BICD1: variants seen among roughly 807,000 people sequenced by gnomAD.
BICD1 encodes protein bicaudal D homolog 1.
A neutral mutation model predicts 92.5 loss-of-function variants in BICD1; 35 were observed. The observed-to-expected ratio is 0.38, with a 90% CI of 0.29 to 0.50. The LOEUF (loss-of-function observed/expected upper bound fraction) is 0.50. BICD1 is among the 20% of genes least tolerant of loss of function. BICD1 has a pLI of 0.93. For synonymous variants in BICD1, 429 were observed against 465.1 expected (o/e 0.92, Z 1.00); for missense variants, 950 against 1,189.8 (o/e 0.80, Z 2.97).
chr12:32,253,309 A>T (rs183889687), intron 2 of BICD1, among the ~76,000 whole-genome samples: 118 of 152,332 alleles, frequency 7.7e-4, no homozygotes, highest in African/African-American at 2.6e-3. Flanking sequence ...GCTATGCAAG[A>T]TGCAGACTTG....
chr12:32,323,916 T>G (rs1185905863), intron 4 of BICD1, among the ~76,000 whole-genome samples: 9 of 152,242 alleles, frequency 5.9e-5, no homozygotes, highest in Non-Finnish European at 1.2e-4. Context: ...TAAATATATA[T>G]AGAAATGAAA....
chr12:32,163,391 G>A (rs569228618), intron 1 of BICD1, among the ~76,000 whole-genome samples: 1 of 152,034 alleles, frequency 6.6e-6, no homozygotes, highest in East Asian at 1.9e-4. Context: ...CATGTTTATT[G>A]TGGAGAATTT....
chr12:32,135,339 C>G (rs1223666540), intron 1 of BICD1, among the ~76,000 whole-genome samples: 1 of 148,508 alleles, frequency 6.7e-6, no homozygotes, highest in Non-Finnish European at 1.5e-5. Context: ...CCGCCTGCCT[C>G]GGCCTCCCAA....
At chr12:32,112,211 G>A (rs1004789263) in intron 1 of BICD1, among the ~76,000 whole-genome samples, 2 of 151,980 alleles carry the variant, frequency 1.3e-5, no homozygotes, top group Non-Finnish European at 2.9e-5. Flanking sequence ...TCTTCATGTT[G>A]GTGAGGTTGG....
At chr12:32,282,204 T>TC (rs1224166218) in intron 2 of BICD1, among the ~76,000 whole-genome samples, 142 of 11,226 alleles carry the variant, frequency 0.013, 3 homozygotes, top group African/African-American at 0.04. Context: ...GTCTTCTTCT[T>TC]TTTTTTTTTT....
intron 2 of BICD1, among the ~76,000 whole-genome samples, chr12:32,236,433 C>A (rs1831223786): frequency 6.6e-6 from 1 of 151,994 alleles, no homozygotes; most frequent in Admixed American, 6.6e-5. Context: ...GATACTTAAT[C>A]CATAAATGTT....
chr12:32,329,864 C>T (rs964364180), intron 5 of BICD1, among the ~76,000 whole-genome samples: 1 of 152,170 alleles, frequency 6.6e-6, no homozygotes, highest in Non-Finnish European at 1.5e-5. Context: ...AAATTATTTT[C>T]ACCTTTATTT....
intron 1 of BICD1, among the ~76,000 whole-genome samples, chr12:32,158,967 T>C (rs1943522090): frequency 1.3e-5 from 2 of 152,132 alleles, no homozygotes; most frequent in South Asian, 4.1e-4. Context: ...GGAGTCTCGC[T>C]CTGTCGCCCA....
chr12:32,342,208 A>G (rs1227239923), intron 8 of BICD1, among the ~76,000 whole-genome samples: 186 of 77,748 alleles, frequency 2.4e-3, no homozygotes, highest in South Asian at 0.013. Flanking sequence ...GTGTGTGTAT[A>G]TATATATATA....
chr12:32,380,250 A>C lies in BICD1; in HGVS notation c.*2623A>C, dbSNP rs1382581908. On this transcript the variant is annotated 3_prime_UTR_variant, in exon 10 of 10. Coordinates refer to ENST00000652176, the MANE Select transcript of BICD1 (RefSeq NM_001714.4). ...AGCCATATTTATTTATAGGCATTTA[A>C]AGTGAATCAGTATGTGTAGTGTTGA... is the stretch of plus-strand genomic sequence containing the variant. 2.0e-5 allele frequency: 3 copies of C among 152,178 alleles called. No homozygotes were observed. Among genetic ancestry groups the C allele is most frequent in the Non-Finnish European group, 4.4e-5 (3 of 68,022 alleles). The allele number at this position is 152,178 out of a possible 1,614,324, so 9.4% of individuals were successfully genotyped here.
In BICD1 at chr12:32,337,295, T is replaced by A. The variant is rs2892655; in HGVS notation, c.2253-204T>A. ...AACAACAAAATAATAATAAATTTTT[T>A]AAAAATGTCCCATATATCTCATTGT... On this transcript the variant is annotated intron_variant, in intron 6 of 9. Transcript: ENST00000652176. This position sits in a 1 kb window ranked among gnomAD's most constrained non-coding sequence, Gnocchi z 4.7. Among the ~76,000 whole-genome samples, 38,407 of 152,118 alleles carry A rather than the reference T, an allele frequency of 0.25. 5,316 individuals carry two copies. Among genetic ancestry groups the A allele is most frequent in the East Asian group, 0.6 (3,102 of 5,172 alleles).
At chr12:32,210,864 C>T (rs977576921) in intron 1 of BICD1, among the ~76,000 whole-genome samples, 2 of 152,206 alleles carry the variant, frequency 1.3e-5, no homozygotes, top group Non-Finnish European at 2.9e-5. Flanking sequence ...AAAGATGCAG[C>T]TTCAGTAACC....
intron 1 of BICD1, among the ~76,000 whole-genome samples, chr12:32,146,723 A>C (rs1304501383): frequency 6.6e-6 from 1 of 152,070 alleles, no homozygotes; most frequent in Non-Finnish European, 1.5e-5. Context: ...AGTGATGAGG[A>C]GGATTACCGA....
intron 1 of BICD1, chr12:32,108,565 G>A (rs1941578536): frequency 1.6e-6 from 1 of 630,912 alleles, no homozygotes; most frequent in South Asian, 1.8e-5. Flanking sequence ...CTTATTTTTA[G>A]GTGCATATTG....
At chr12:32,131,514 C>T (rs1942545623) in intron 1 of BICD1, among the ~76,000 whole-genome samples, 1 of 152,158 alleles carries the variant, frequency 6.6e-6, no homozygotes, top group Non-Finnish European at 1.5e-5. Context: ...AAAAAGCCCT[C>T]CTTCACATTT....
intron 2 of BICD1, among the ~76,000 whole-genome samples, chr12:32,257,561 C>A (rs1247564376): frequency 6.6e-6 from 1 of 151,996 alleles, no homozygotes; most frequent in Non-Finnish European, 1.5e-5. Flanking sequence ...GTACAACCAT[C>A]TTGAAAAACT....
intron 2 of BICD1, among the ~76,000 whole-genome samples, chr12:32,275,773 G>A (rs1362031055): frequency 5.3e-5 from 8 of 152,020 alleles, no homozygotes; most frequent in African/African-American, 1.9e-4. Context: ...TGCCACTCCC[G>A]ATTGTGCTAA....
At chr12:32,250,405 G>C (rs1307849271) in intron 2 of BICD1, among the ~76,000 whole-genome samples, 1 of 152,128 alleles carries the variant, frequency 6.6e-6, no homozygotes, top group Admixed American at 6.6e-5. Context: ...ATTAAACATT[G>C]TATATTTTTA....
At chr12:32,339,304 A>G in intron 8 of BICD1, 2 of 1,036,158 alleles carry the variant, frequency 1.9e-6, no homozygotes, top group Non-Finnish European at 2.3e-6. Context: ...TGGCGATTCC[A>G]TCTTGGTCAG....
Sources: allele counts gnomAD v4.1 joint callset (sites outside exome capture counted in the v4.1 genomes callset), GRCh38; gene constraint gnomAD v4.1.1; non-coding constraint Gnocchi (gnomAD v3.1); transcripts MANE v1.5; gene names NCBI Gene and HGNC (gene_info 2026-07-23, HGNC 2026-07-21).